Variants in SLC8A1 observed in about 807,000 individuals in gnomAD.
The protein encoded by SLC8A1 is solute carrier family 8 member A1, also known as sodium/calcium exchanger 1.
In SLC8A1, 18 loss-of-function variants were observed where a neutral mutation model predicts 68.3. The ratio of observed to expected loss-of-function variants is 0.26; its 90% CI spans 0.18 to 0.39. The LOEUF is 0.39. Among genes scored for constraint, SLC8A1 ranks in the 10% least tolerant of loss-of-function variants. SLC8A1 has a pLI of 1.00. For missense variants in SLC8A1, 985 were observed against 1,156.7 expected, an observed-to-expected ratio of 0.85 and a Z score of 2.15; for synonymous variants, 475 against 415.5, an observed-to-expected ratio of 1.14 and a Z score of -1.74.
intron 2 of SLC8A1, among the ~76,000 whole-genome samples, chr2:40,331,871 G>A (rs2076448835): frequency 6.6e-6 from 1 of 152,064 alleles, no homozygotes; most frequent in Non-Finnish European, 1.5e-5. Flanking sequence ...GGGATTACAG[G>A]CGTGAGCCAC....
At chr2:40,140,056 A>C (rs1294799796) in intron 6 of SLC8A1, among the ~76,000 whole-genome samples, 1 of 152,214 alleles carries the variant, frequency 6.6e-6, no homozygotes, top group Non-Finnish European at 1.5e-5. Flanking sequence ...TTGAAGAAAG[A>C]AAACTATAGA....
At chr2:40,364,989 T>C (rs1298858625) in intron 2 of SLC8A1, among the ~76,000 whole-genome samples, 1 of 152,036 alleles carries the variant, frequency 6.6e-6, no homozygotes, top group Non-Finnish European at 1.5e-5. Flanking sequence ...AATCAAGAAA[T>C]CAAGTAAAGA....
At chr2:40,344,638 T>C (rs1361420166) in intron 2 of SLC8A1, among the ~76,000 whole-genome samples, 1 of 152,138 alleles carries the variant, frequency 6.6e-6, no homozygotes, top group Non-Finnish European at 1.5e-5. Flanking sequence ...TGAAGTAATA[T>C]TTAAATGCTG....
intron 2 of SLC8A1, among the ~76,000 whole-genome samples, chr2:40,409,190 T>C (rs919186078): frequency 6.6e-6 from 1 of 152,176 alleles, no homozygotes; most frequent in Non-Finnish European, 1.5e-5. Flanking sequence ...GTACAGCTTC[T>C]GGTATTCATG....
At chr2:40,481,509 G>C (rs1013462735) in intron 1 of SLC8A1, among the ~76,000 whole-genome samples, 9 of 152,138 alleles carry the variant, frequency 5.9e-5, no homozygotes, top group Non-Finnish European at 8.8e-5. Flanking sequence ...AATGCAACCA[G>C]ATTTTTTAGC....
intron 5 of SLC8A1, among the ~76,000 whole-genome samples, chr2:40,162,783 C>T (rs2045907546): frequency 6.6e-6 from 1 of 152,066 alleles, no homozygotes; most frequent in South Asian, 2.1e-4. Flanking sequence ...TTTTCAAAGG[C>T]TTGTGAAAAC....
intron 2 of SLC8A1, among the ~76,000 whole-genome samples, chr2:40,264,196 A>C (rs1179865470): frequency 1.3e-5 from 2 of 150,664 alleles, no homozygotes; most frequent in East Asian, 3.9e-4. Context: ...AAAGTCAGGA[A>C]ACAACAGGTG....
intron 2 of SLC8A1, among the ~76,000 whole-genome samples, chr2:40,402,446 A>C (rs1191142560): frequency 6.6e-6 from 1 of 152,186 alleles, no homozygotes; most frequent in African/African-American, 2.4e-5. Flanking sequence ...GAGAGTAGCC[A>C]TTCTTTTATT....
chr2:40,468,664 G>T (rs1703833649), intron 1 of SLC8A1, among the ~76,000 whole-genome samples: 1 of 152,008 alleles, frequency 6.6e-6, no homozygotes, highest in Non-Finnish European at 1.5e-5. Context: ...CATATGCAAA[G>T]CAGAAGGAAT....
At chr2:40,202,767 C>G (rs2054630912) in intron 2 of SLC8A1, among the ~76,000 whole-genome samples, 1 of 151,882 alleles carries the variant, frequency 6.6e-6, no homozygotes, top group Non-Finnish European at 1.5e-5. Flanking sequence ...CTCTAAAGAG[C>G]CAATATGTCA....
chr2:40,396,988 C>T (rs2149630694), intron 2 of SLC8A1, among the ~76,000 whole-genome samples: 1 of 151,970 alleles, frequency 6.6e-6, no homozygotes, highest in South Asian at 2.1e-4. Context: ...TTTCCATGGC[C>T]CTGGAAAAGT....
intron 2 of SLC8A1, among the ~76,000 whole-genome samples, chr2:40,244,312 G>A (rs72794762): frequency 6.6e-6 from 1 of 152,248 alleles, no homozygotes; most frequent in East Asian, 1.9e-4. Context: ...CATCTACTAC[G>A]TGAGTCTCCT....
chr2:40,278,745 C>T (rs908209538), intron 2 of SLC8A1, among the ~76,000 whole-genome samples: 7 of 152,030 alleles, frequency 4.6e-5, no homozygotes, highest in Non-Finnish European at 1.0e-4. Context: ...GCTTTTCTTT[C>T]TGCATACCTT....
At chr2:40,396,539 A>G (rs1686947092) in intron 2 of SLC8A1, among the ~76,000 whole-genome samples, 1 of 152,118 alleles carries the variant, frequency 6.6e-6, no homozygotes, top group Non-Finnish European at 1.5e-5. Flanking sequence ...GCATCAAAGC[A>G]TAACACGCAA....
At position 40,246,317 on chromosome 2, in the gene SLC8A1, A is replaced by G. The variant is rs372597266; in HGVS notation, c.1809-68462T>C. ...ATACGCAAACTGTGGTCCTGATTCC[A>G]CTTCAAAACGTCTGCTTTTATTGGG... On this transcript the variant is annotated intron_variant, in intron 2 of 7. Coordinates refer to ENST00000406785, the Ensembl canonical transcript of SLC8A1. 1.4e-4 allele frequency among the ~76,000 whole-genome samples: 21 copies of G among 152,354 alleles called. No individual in the cohort carries two copies. In the East Asian group the frequency reaches 2.5e-3, roughly 18 times the overall value.
chr2:40,456,785 T>C (rs1399595838), upstream of SLC8A1, among the ~76,000 whole-genome samples: 1 of 152,246 alleles, frequency 6.6e-6, no homozygotes, highest in Non-Finnish European at 1.5e-5. Flanking sequence ...AAAATTTCTA[T>C]ATAATTAGAT....
chr2:40,353,891 G>A (rs182148480), intron 2 of SLC8A1, among the ~76,000 whole-genome samples: 12 of 152,252 alleles, frequency 7.9e-5, no homozygotes, highest in South Asian at 2.1e-4. Flanking sequence ...CTCACTGCCC[G>A]GTCTGTCTTC....
exon 8 of SLC8A1, chr2:40,107,523 AAAAG>A (rs1340707588): frequency 2.0e-5 from 3 of 152,154 alleles, no homozygotes; most frequent in African/African-American, 4.8e-5. Context: ...TGCCTGCTAA[AAAAG>A]AAAGAAAAAT....
intron 2 of SLC8A1, among the ~76,000 whole-genome samples, chr2:40,302,031 C>CTGTGTGTGTATGTGTGTGTG (rs2071558545): frequency 7.6e-6 from 1 of 132,228 alleles, no homozygotes; most frequent in East Asian, 2.4e-4. Flanking sequence ...CCGGGCTAAT[C>CTGTGTGTGTATGTGTGTGTG]TGTGTGTGTG....
Sources: gnomAD v4.1 joint callset for allele counts (sites outside exome capture counted in the v4.1 genomes callset) on GRCh38, gnomAD v4.1.1 for gene constraint, MANE v1.5 for transcripts, NCBI Gene and HGNC (gene_info 2026-07-23, HGNC 2026-07-21) for gene names.